Variants in HDAC4 observed in about 807,000 individuals in gnomAD.
The protein encoded by HDAC4 is histone deacetylase 4.
In HDAC4, 16 loss-of-function variants were observed where a neutral mutation model predicts 135.1. The ratio of observed to expected loss-of-function variants is 0.12; its 90% confidence interval spans 0.08 to 0.18. The LOEUF (loss-of-function observed/expected upper bound fraction) is 0.18. HDAC4 is among the 10% of genes least tolerant of loss of function. HDAC4 has a pLI of 1.00. For missense variants in HDAC4, 1,143 were observed against 1,511.8 expected (o/e 0.76, Z 4.05); for synonymous variants, 685 against 653.4 (o/e 1.05, Z -0.74).
chr2:239,257,566 A>G (rs2049120346), intron 2 of HDAC4, among the ~76,000 whole-genome samples: 1 of 152,156 alleles, frequency 6.6e-6, no homozygotes, highest in Non-Finnish European at 1.5e-5. Flanking sequence ...GTGGGTTGGG[A>G]TCTGGAAGCA....
intron 2 of HDAC4, among the ~76,000 whole-genome samples, chr2:239,270,218 C>T (rs1229330321): frequency 1.3e-5 from 2 of 152,186 alleles, no homozygotes; most frequent in South Asian, 2.1e-4. Flanking sequence ...GACCCTGTGG[C>T]CTGTCCACAT....
chr2:239,341,639 G>A (rs1692304125), intron 2 of HDAC4, among the ~76,000 whole-genome samples: 1 of 152,146 alleles, frequency 6.6e-6, no homozygotes, highest in African/African-American at 2.4e-5. Flanking sequence ...GAATCAACAA[G>A]TCACTGAGAA....
At chr2:239,238,057 G>T (rs928732073) in intron 2 of HDAC4, among the ~76,000 whole-genome samples, 1 of 152,044 alleles carries the variant, frequency 6.6e-6, no homozygotes, top group Admixed American at 6.6e-5. Context: ...ACACATTCCA[G>T]GGCTTTCTCA....
At chr2:239,092,776 T>C (rs540820914) in intron 17 of HDAC4, among the ~76,000 whole-genome samples, 2 of 151,936 alleles carry the variant, frequency 1.3e-5, no homozygotes, top group African/African-American at 2.4e-5. Context: ...CACTGAGCAA[T>C]AGCCTGGCTC....
In HDAC4 at chr2:239,134,540, G is replaced by T; in HGVS notation, c.1082C>A (p.Thr361Asn). ...LPNITLGLPA[T>N]GPSAGTAGQQ... ...GGGCTGACTTACCGCAGAGGGGCCG[G>T]TGGCAGGCAGGCCCAGCGTGATGTT... The change falls in exon 10 of 27, where the codon ACC (threonine) becomes AAC (asparagine). Residue 361 changes from threonine to asparagine, a missense_variant. This residue lies in a region of HDAC4 where 272 missense variants were observed against 309.7 expected (regional missense o/e 0.88). Coordinates refer to ENST00000543185, the MANE Select transcript of HDAC4 (RefSeq NM_001378414.1). The T allele has an allele frequency of 6.2e-7, 1 of 1,614,108 alleles. No homozygotes were observed. The highest frequency in any genetic ancestry group is 8.5e-7 in the Non-Finnish European group (1 of 1,179,980).
At chr2:239,150,686 G>A (rs372194653) in intron 7 of HDAC4, among the ~76,000 whole-genome samples, 158 of 123,858 alleles carry the variant, frequency 1.3e-3, no homozygotes, top group East Asian at 3.5e-3. Context: ...CCTGAAGTAT[G>A]TACCACACCT....
chr2:239,239,471 C>T (rs1042610976), intron 2 of HDAC4, among the ~76,000 whole-genome samples: 5 of 152,116 alleles, frequency 3.3e-5, no homozygotes, highest in Non-Finnish European at 7.4e-5. Flanking sequence ...GGCCCCATCC[C>T]GAGGCTATCC....
chr2:239,352,767 A>C lies in HDAC4; in HGVS notation c.-68T>G, dbSNP rs1275779096. On this transcript the variant is annotated 5_prime_UTR_variant, in exon 2 of 27. Coordinates refer to ENST00000543185, the MANE Select transcript of HDAC4 (RefSeq NM_001378414.1). This position sits in a 1 kb window ranked among gnomAD's most constrained non-coding sequence, Gnocchi z 4.4. ...AAATTTCCACGGAAACGATAGCTCCAACGAGCTCCAAACTCCCACCAACAC... is the reference window on the plus strand; with the variant it reads ...AAATTTCCACGGAAACGATAGCTCCCACGAGCTCCAAACTCCCACCAACAC... The C allele has an allele frequency of 4.2e-6, 6 of 1,431,064 alleles. No individual in the cohort carries two copies. Among genetic ancestry groups the C allele is most frequent in the Non-Finnish European group, 5.8e-6 (6 of 1,037,202 alleles). 88.6% of individuals were successfully genotyped at this position (1,431,064 alleles called of 1,614,324 possible). A position where few individuals can be genotyped will look rare whatever the true frequency, so the allele number is the denominator to read the frequency against.
chr2:239,153,042 T>C (rs12986543), intron 7 of HDAC4, among the ~76,000 whole-genome samples: 80,770 of 152,104 alleles, frequency 0.53, 22,220 homozygotes, highest in South Asian at 0.76. Flanking sequence ...AGGAGCTGGG[T>C]AGAAACTCAG....
At chr2:239,183,764 G>A (rs913503630) in intron 4 of HDAC4, among the ~76,000 whole-genome samples, 5 of 152,246 alleles carry the variant, frequency 3.3e-5, no homozygotes, top group African/African-American at 1.2e-4. Flanking sequence ...TCAGGCATTC[G>A]GCACAGCTCA....
At chr2:239,191,442 G>C (rs1036974305) in intron 3 of HDAC4, among the ~76,000 whole-genome samples, 1 of 152,230 alleles carries the variant, frequency 6.6e-6, no homozygotes, top group Non-Finnish European at 1.5e-5. Context: ...GCCCATAGGT[G>C]GCAGCTGCCC....
At chr2:239,288,296 A>C (rs2051252559) in intron 2 of HDAC4, among the ~76,000 whole-genome samples, 1 of 152,244 alleles carries the variant, frequency 6.6e-6, no homozygotes, top group African/African-American at 2.4e-5. Flanking sequence ...ACAGCTATCC[A>C]TGAACTTAAC....
At chr2:239,184,572 G>A (rs1459037056) in intron 4 of HDAC4, among the ~76,000 whole-genome samples, 17 of 132,228 alleles carry the variant, frequency 1.3e-4, no homozygotes, top group South Asian at 5.2e-4. Context: ...TGTCCTGGAG[G>A]CTGTGCCCTA....
intron 13 of HDAC4, among the ~76,000 whole-genome samples, chr2:239,112,388 C>A (rs1175842650): frequency 6.6e-6 from 1 of 152,234 alleles, no homozygotes; most frequent in Non-Finnish European, 1.5e-5. Context: ...TGGGCTTCAT[C>A]TGCAGCCGCT....
chr2:239,283,459 T>C (rs57435819), intron 2 of HDAC4, among the ~76,000 whole-genome samples: 7 of 151,846 alleles, frequency 4.6e-5, no homozygotes, highest in African/African-American at 1.7e-4. Context: ...CTGCAGCGAG[T>C]GTCGGGCTGG....
At chr2:239,205,619 G>A (rs1261226403) in intron 3 of HDAC4, among the ~76,000 whole-genome samples, 1 of 151,946 alleles carries the variant, frequency 6.6e-6, no homozygotes, top group African/African-American at 2.4e-5. Flanking sequence ...AAAGAACTGG[G>A]GGCTACGGAG....
chr2:239,324,665 G>A (rs1055465794), intron 2 of HDAC4, among the ~76,000 whole-genome samples: 1 of 152,178 alleles, frequency 6.6e-6, no homozygotes, highest in Admixed American at 6.5e-5. Context: ...ACAGCTCACA[G>A]CACAACTGGG....
chr2:239,291,909 A>C (rs1291123197), intron 2 of HDAC4, among the ~76,000 whole-genome samples: 1 of 152,224 alleles, frequency 6.6e-6, no homozygotes, highest in Non-Finnish European at 1.5e-5. Flanking sequence ...TGTTTGCAAG[A>C]GTTCCCGCTC....
rs1037703965 is a variant in HDAC4, at chr2:239,277,168, T to C, written c.23-40504A>G. ...CACCTGGTATAGTGGGGTCCCGAGG[T>C]TAGCAGAAGGATCAGTAAAAGAAGA... On this transcript the variant is annotated intron_variant, in intron 2 of 26. Transcript: ENST00000543185. Among the ~76,000 whole-genome samples the C allele has an allele frequency of 2.0e-5, 3 of 152,228 alleles. No homozygotes were observed. The East Asian group carries it at 5.8e-4, about 29-fold the overall frequency.
Sources: gnomAD v4.1 joint callset for allele counts (sites outside exome capture counted in the v4.1 genomes callset) on GRCh38, gnomAD v4.1.1 for gene constraint, gnomAD v4.1.1 regional missense constraint, Gnocchi (gnomAD v3.1) non-coding constraint, MANE v1.5 for transcripts, NCBI Gene and HGNC (gene_info 2026-07-23, HGNC 2026-07-21) for gene names.